ENO4: variants seen among roughly 807,000 people sequenced by gnomAD.
The protein encoded by ENO4 is enolase 4, also known as 2-phospho-D-glycerate hydro-lyase.
A neutral mutation model predicts 63.2 loss-of-function variants in ENO4; 53 were observed. The observed-to-expected ratio is 0.84, with a 90% CI of 0.67 to 1.05. The LOEUF is 1.05. Among genes scored for constraint, ENO4 ranks in the 50% least tolerant of loss-of-function variants. The probability of loss-of-function intolerance (pLI) is 0.00; values close to 1 mark genes in which losing one functional copy is unlikely to be tolerated. For missense variants in ENO4, 719 were observed against 772.0 expected, an observed-to-expected ratio of 0.93 and a Z score of 0.81; for synonymous variants, 266 against 283.8, an observed-to-expected ratio of 0.94 and a Z score of 0.63.
intron 6 of ENO4, among the ~76,000 whole-genome samples, chr10:116,861,809 A>T (rs1846421890): frequency 6.6e-6 from 1 of 152,046 alleles, no homozygotes; most frequent in African/African-American, 2.4e-5. Context: ...AAGTTGAGTG[A>T]TAGTTTATCT....
chr10:116,905,795 A>G (rs1847945315), intron 10 of ENO4, among the ~76,000 whole-genome samples: 1 of 152,198 alleles, frequency 6.6e-6, no homozygotes, highest in African/African-American at 2.4e-5. Flanking sequence ...AGTTTTTTGA[A>G]GTCGGCTTCC....
Position 116,869,381 on chromosome 10 carries a change from G to A in ENO4, c.1047+675G>A, listed in dbSNP as rs564746445. On this transcript the variant is annotated intron_variant, in intron 8 of 13. Transcript: ENST00000341276. The stretch of plus-strand genomic sequence containing the variant: ...GCATGCACATGGGTGAAGGTTGCTC[G>A]CATCTGCAGTATTTGCTTTGGTTTG... Among the ~76,000 whole-genome samples the A allele has an allele frequency of 1.8e-3, 275 of 152,258 alleles. 2 individuals are homozygous for A. The highest frequency in any genetic ancestry group is 4.9e-4 in the Non-Finnish European group (33 of 68,030).
chr10:116,877,041 A>G (rs1459221923), intron 11 of ENO4, among the ~76,000 whole-genome samples: 1 of 152,124 alleles, frequency 6.6e-6, no homozygotes, highest in Non-Finnish European at 1.5e-5. Flanking sequence ...ATCCTGATTC[A>G]TGCACTGTGG....
At chr10:116,870,916 T>G (rs1451380348) in intron 8 of ENO4, among the ~76,000 whole-genome samples, 1 of 151,988 alleles carries the variant, frequency 6.6e-6, no homozygotes, top group South Asian at 2.1e-4. Flanking sequence ...CAGGCCAAAC[T>G]TGGAAACCTC....
chr10:116,900,719 T>A, intron 10 of ENO4: 1 of 983,700 alleles, frequency 1.0e-6, no homozygotes, highest in African/African-American at 1.7e-5. Flanking sequence ...TGAATATAGA[T>A]CATCTTTCTG....
Position 116,864,790 on chromosome 10 carries a change from C to T in ENO4, c.990+1938C>T, listed in dbSNP as rs146849178. Among the ~76,000 whole-genome samples, 1,139 of 152,212 alleles carry T rather than the reference C, an allele frequency of 7.5e-3. 7 individuals carry two copies. Among genetic ancestry groups the T allele is most frequent in the South Asian group, 0.028 (136 of 4,808 alleles). On this transcript the variant is annotated intron_variant, in intron 7 of 13. Coordinates refer to ENST00000341276, the MANE Select transcript of ENO4 (RefSeq NM_001242699.2). ...ATCCCAGCACTTTGGGAGCCTGAGG[C>T]GGGCAAATCACTTGAGGTCAGGAGT...
chr10:116,886,098 C>G (rs1387030530), downstream of ENO4: 1 of 528,232 alleles, frequency 1.9e-6, no homozygotes, highest in Non-Finnish European at 3.3e-6. Flanking sequence ...ATACTTAATA[C>G]AGTAACTAGG....
intron 4 of ENO4, among the ~76,000 whole-genome samples, chr10:116,859,974 G>T (rs1412769753): frequency 2.0e-5 from 3 of 152,196 alleles, no homozygotes; most frequent in Non-Finnish European, 2.9e-5. Context: ...GGGAGGGTGG[G>T]ATGGCCACTA....
intron 3 of ENO4, among the ~76,000 whole-genome samples, chr10:116,858,545 A>G (rs1321085877): frequency 1.3e-5 from 2 of 152,298 alleles, no homozygotes; most frequent in East Asian, 3.9e-4. Context: ...GGGATTTCCA[A>G]AAGTTTTTTT....
intron 7 of ENO4, among the ~76,000 whole-genome samples, chr10:116,866,599 G>A (rs1846554456): frequency 6.6e-6 from 1 of 152,078 alleles, no homozygotes; most frequent in African/African-American, 2.4e-5. Flanking sequence ...CTGAGGTGGA[G>A]AGGCCAGGAG....
At chr10:116,856,724 G>T in intron 3 of ENO4, 42 bp downstream of exon 3, 1 of 1,446,530 alleles carries the variant, frequency 6.9e-7, no homozygotes. Context: ...AGTACAAGCC[G>T]GGCACAGTGG....
At chr10:116,872,030 T>G (rs1846708873) in intron 9 of ENO4, among the ~76,000 whole-genome samples, 2 of 152,110 alleles carry the variant, frequency 1.3e-5, no homozygotes, top group South Asian at 4.1e-4. Flanking sequence ...AACCCCCCTC[T>G]ACAAAAAATG....
downstream of ENO4, chr10:116,883,972 C>T (rs1847092880): frequency 4.8e-6 from 1 of 209,898 alleles, no homozygotes; most frequent in Non-Finnish European, 1.0e-5. Flanking sequence ...CAAAGTACCT[C>T]TATCTCTGTT....
In ENO4 at chr10:116,849,730, T is replaced by C. The variant is rs1846002942; in HGVS notation, c.164T>C (p.Leu55Pro). 1 of 1,520,902 alleles carries C rather than the reference T, an allele frequency of 6.6e-7. No individual in the cohort carries two copies. The highest frequency in any genetic ancestry group is 1.3e-5 in the South Asian group (1 of 79,124). The allele number at this position is 1,520,902 out of a possible 1,614,324, so 94.2% of individuals were successfully genotyped here. The change falls in exon 1 of 14, where the codon CTG becomes CCG. Residue 55 changes from leucine to proline, a missense_variant and splice_region_variant. By Grantham distance (98) the Leu-to-Pro change is moderately conservative. Transcript: ENST00000341276. ...YLQPADVYGH[L>P]ANCFSKLAKP... ...CAGCCTGCCGACGTCTACGGGCACC[T>C]GGTAGGGACCTGGGACAAGCGCTCT...
intron 13 of ENO4, 123 bp downstream of exon 13, chr10:116,880,109 T>C (rs2133283965): frequency 3.0e-6 from 2 of 657,008 alleles, no homozygotes; most frequent in Non-Finnish European, 5.1e-6. Context: ...ACATAAGTGC[T>C]GACAAAACTA....
chr10:116,911,240 G>A (rs1848178587), intron 10 of ENO4, among the ~76,000 whole-genome samples: 1 of 152,094 alleles, frequency 6.6e-6, no homozygotes, highest in Non-Finnish European at 1.5e-5. Context: ...ACTAGGAAGG[G>A]ACACAAAGTA....
intron 1 of ENO4, among the ~76,000 whole-genome samples, chr10:116,854,585 C>T (rs965987202): frequency 4.0e-5 from 6 of 150,442 alleles, no homozygotes; most frequent in Non-Finnish European, 8.9e-5. Flanking sequence ...AAAATTCAGC[C>T]CATGTCAGGT....
At chr10:116,865,729 G>A (rs1846533793) in intron 7 of ENO4, among the ~76,000 whole-genome samples, 1 of 152,166 alleles carries the variant, frequency 6.6e-6, no homozygotes, top group Non-Finnish European at 1.5e-5. Flanking sequence ...GCAGGGATCA[G>A]AGCTGCTACT....
intron 10 of ENO4, among the ~76,000 whole-genome samples, chr10:116,906,097 C>A (rs1241905394): frequency 6.6e-6 from 1 of 152,262 alleles, no homozygotes; most frequent in Non-Finnish European, 1.5e-5. Flanking sequence ...ATTTCTACTG[C>A]AACTACTAAA....
Sources: gnomAD v4.1 joint callset for allele counts (sites outside exome capture counted in the v4.1 genomes callset) on GRCh38, gnomAD v4.1.1 for gene constraint, MANE v1.5 for transcripts, NCBI Gene and HGNC (gene_info 2026-07-23, HGNC 2026-07-21) for gene names.